Variants in ZNF141 observed in about 807,000 individuals in gnomAD.
ZNF141 encodes zinc finger protein 141 (clone pHZ-44).
ZNF141 carries 7 observed loss-of-function variants against 11.3 expected under a neutral mutation model. That is an observed-to-expected ratio of 0.62 (90% CI 0.35 to 1.16). The LOEUF (loss-of-function observed/expected upper bound fraction) is 1.16, where lower values mean the gene tolerates loss of function less well. ZNF141 is among the 50% of genes most tolerant of loss of function. ZNF141 has a pLI of 0.02. For missense variants in ZNF141, 535 were observed against 554.0 expected, an observed-to-expected ratio of 0.97 and a Z score of 0.34; for synonymous variants, 183 against 190.7, an observed-to-expected ratio of 0.96 and a Z score of 0.33.
At position 382,010 on chromosome 4, in the gene ZNF141, A is replaced by G. The variant is rs1712646721; in HGVS notation, c.*8148A>G. Among the ~76,000 whole-genome samples, 1 of 142,050 alleles carries G rather than the reference A, an allele frequency of 7.0e-6. No individual in the cohort carries two copies. Among genetic ancestry groups the G allele is most frequent in the Non-Finnish European group, 1.5e-5 (1 of 66,874 alleles). The allele number at this position is 142,050 out of a possible 152,430, so 93.2% of individuals were successfully genotyped here. ...GCCCAGGCTGGAGTGCAGTGGCTCGATCTCGGCTCACTGCAAGCTCCACCT... is the reference window on the plus strand; with the variant it reads ...GCCCAGGCTGGAGTGCAGTGGCTCGGTCTCGGCTCACTGCAAGCTCCACCT... On this transcript the variant is annotated 3_prime_UTR_variant, in exon 4 of 4. Transcript: ENST00000240499.
chr4:375,562 C>T lies in ZNF141; in HGVS notation c.*1700C>T, dbSNP rs1553854448. Reference sequence around the variant, plus strand: ...TAAGGAACTAACACTTTAGACACTGCAGTAAATCAGAGTATTAAGTATTAA... The same window carrying T: ...TAAGGAACTAACACTTTAGACACTGTAGTAAATCAGAGTATTAAGTATTAA... On this transcript the variant is annotated 3_prime_UTR_variant, in exon 4 of 4. Coordinates refer to ENST00000240499, the MANE Select transcript of ZNF141 (RefSeq NM_003441.4). Among the ~76,000 whole-genome samples, 2 of 151,804 alleles carry T rather than the reference C, an allele frequency of 1.3e-5. No homozygotes were observed. The highest frequency in any genetic ancestry group is 3.8e-4 in the East Asian group (2 of 5,202).
chr4:373,941 C>A lies in ZNF141; in HGVS notation c.*79C>A. On this transcript the variant is annotated 3_prime_UTR_variant, in exon 4 of 4. Coordinates refer to ENST00000240499, the MANE Select transcript of ZNF141 (RefSeq NM_003441.4). ...CTTAATGAACATGAGAAAATTTATA[C>A]TGTAGAGAAACCCTGGAAATGTGAA... The A allele has an allele frequency of 7.8e-7, 1 of 1,274,444 alleles. No individual in the cohort carries two copies. Among genetic ancestry groups the A allele is most frequent in the Non-Finnish European group, 1.1e-6 (1 of 910,966 alleles). The allele number at this position is 1,274,444 out of a possible 1,614,324, so 78.9% of individuals were successfully genotyped here. A position where few individuals can be genotyped will look rare whatever the true frequency, so the allele number is the denominator to read the frequency against.
chr4:355,541 A>G (rs1326576533), intron 3 of ZNF141, among the ~76,000 whole-genome samples: 1 of 152,144 alleles, frequency 6.6e-6, no homozygotes, highest in Admixed American at 6.6e-5. Flanking sequence ...ATTTAGTCTC[A>G]TATAAATATA....
intron 3 of ZNF141, among the ~76,000 whole-genome samples, chr4:369,761 TA>T (rs1553853329): frequency 3.2e-4 from 17 of 53,602 alleles, no homozygotes; most frequent in Non-Finnish European, 5.5e-4. Context: ...TATATATATA[TA>T]TATTTTTTTT....
intron 3 of ZNF141, among the ~76,000 whole-genome samples, chr4:371,833 C>T (rs1490216392): frequency 6.6e-6 from 1 of 152,180 alleles, no homozygotes; most frequent in Admixed American, 6.5e-5. Context: ...AGCCACCATG[C>T]CCGTTCCCTT....
At chr4:339,684 T>C (rs558398055) in intron 1 of ZNF141, among the ~76,000 whole-genome samples, 1 of 152,364 alleles carries the variant, frequency 6.6e-6, no homozygotes, top group East Asian at 1.9e-4. Flanking sequence ...TATATATAAC[T>C]CATTTTAATC....
chr4:346,941 T>TGGA (rs1721355392), intron 3 of ZNF141, among the ~76,000 whole-genome samples: 1 of 145,902 alleles, frequency 6.9e-6, no homozygotes, highest in African/African-American at 2.7e-5. Context: ...ACAATAAACA[T>TGGA]GGAGGGGAAG....
rs782318826 is a variant in ZNF141, at chr4:384,589, G to T, written c.*10727G>T. ...GTTACTAACATGACATAAATATTTT[G>T]GTTTTAGCTTCACTCTTTCCACCTG... is the stretch of plus-strand genomic sequence containing the variant. On this transcript the variant is annotated 3_prime_UTR_variant, in exon 4 of 4. Coordinates refer to ENST00000240499, the MANE Select transcript of ZNF141 (RefSeq NM_003441.4). The T allele has an allele frequency of 6.6e-6, 1 of 152,132 alleles. No individual in the cohort carries two copies. The highest frequency in any genetic ancestry group is 1.5e-5 in the Non-Finnish European group (1 of 68,042). The allele number at this position is 152,132 out of a possible 1,614,324, so 9.4% of individuals were successfully genotyped here.
At position 379,437 on chromosome 4, in the gene ZNF141, C is replaced by G. The variant is rs1470446089; in HGVS notation, c.*5575C>G. On this transcript the variant is annotated 3_prime_UTR_variant, in exon 4 of 4. Transcript: ENST00000240499. ...GTCGCCAGGCTGGAGTACAGTGGTG[C>G]GATCTCAGCTCACTGCAACCTCCGC... Among the ~76,000 whole-genome samples the G allele has an allele frequency of 6.6e-6, 1 of 152,126 alleles. No homozygotes were observed. The highest frequency in any genetic ancestry group is 2.1e-4 in the South Asian group (1 of 4,832).
At chr4:345,595 G>T (rs1297773809) in intron 3 of ZNF141, among the ~76,000 whole-genome samples, 1 of 151,968 alleles carries the variant, frequency 6.6e-6, no homozygotes, top group Non-Finnish European at 1.5e-5. Context: ...GGGCGTGGTG[G>T]TGCATTCCTG....
At chr4:350,916 C>CTT (rs35754231) in intron 3 of ZNF141, among the ~76,000 whole-genome samples, 1 of 140,248 alleles carries the variant, frequency 7.1e-6, no homozygotes. Context: ...ATTTTTTGTA[C>CTT]TTTTTTTTTT....
At chr4:342,724 C>T in intron 1 of ZNF141, 1 of 1,155,564 alleles carries the variant, frequency 8.7e-7, no homozygotes, top group Non-Finnish European at 1.3e-6. Flanking sequence ...CAGATCCTGT[C>T]CATTGTTCTG....
intron 3 of ZNF141, among the ~76,000 whole-genome samples, chr4:370,024 C>G (rs1211690185): frequency 6.6e-6 from 1 of 151,612 alleles, no homozygotes; most frequent in Non-Finnish European, 1.5e-5. Context: ...CTCAGCCGCT[C>G]AAAGTGCTGG....
At chr4:367,680 C>T (rs1280824131) in intron 3 of ZNF141, among the ~76,000 whole-genome samples, 1 of 152,024 alleles carries the variant, frequency 6.6e-6, no homozygotes, top group Non-Finnish European at 1.5e-5. Context: ...CCATGCCCAA[C>T]TAATTTTTGT....
rs376285627 is a variant in ZNF141 at position 369,770 on chromosome 4, T to A, written c.227-2894T>A. Among the ~76,000 whole-genome samples, 473 of 53,942 alleles carry A rather than the reference T, an allele frequency of 8.8e-3. 1 individual carries two copies. The highest frequency in any genetic ancestry group is 0.02 in the East Asian group (35 of 1,778). The allele number at this position is 53,942 out of a possible 152,430, so 35.4% of individuals were successfully genotyped here. A position where few individuals can be genotyped will look rare whatever the true frequency, so the allele number is the denominator to read the frequency against. On this transcript the variant is annotated intron_variant, in intron 3 of 3. Transcript: ENST00000240499. Reference sequence around the variant, plus strand: ...TATATATATATATATATATATTTTTTTTTTTTTTTTTTTTGAGAGGGAGTC... The same window carrying A: ...TATATATATATATATATATATTTTTATTTTTTTTTTTTTTGAGAGGGAGTC...
intron 3 of ZNF141, among the ~76,000 whole-genome samples, chr4:362,394 T>A (rs1711537865): frequency 6.6e-6 from 1 of 152,236 alleles, no homozygotes; most frequent in South Asian, 2.1e-4. Flanking sequence ...TAGATTCCAT[T>A]TGTCAATTTT....
At chr4:362,679 G>C (rs193078677) in intron 3 of ZNF141, among the ~76,000 whole-genome samples, 5 of 152,180 alleles carry the variant, frequency 3.3e-5, no homozygotes, top group African/African-American at 1.2e-4. Flanking sequence ...TCAAAGATCA[G>C]ATGGTTGTAG....
Position 358,488 on chromosome 4 carries a change from CCTT to C in ZNF141, c.226+14062_226+14064del, listed in dbSNP as rs571853262. On this transcript the variant is annotated intron_variant, in intron 3 of 3. Coordinates refer to ENST00000240499, the MANE Select transcript of ZNF141 (RefSeq NM_003441.4). Reference sequence around the variant, plus strand: ...GGTGTGAGCCATTGTGCCCAGCTCTCCTTCTTTTTTATAACTCATTTTGTTCAT... The same window carrying C: ...GGTGTGAGCCATTGTGCCCAGCTCTCCTTTTTTATAACTCATTTTGTTCAT... 1.7e-4 allele frequency: 29 copies of C among 172,708 alleles called. 1 individual carries two copies. Among genetic ancestry groups the C allele is most frequent in the South Asian group, 1.6e-3 (15 of 9,278 alleles). 10.7% of individuals were successfully genotyped at this position (172,708 alleles called of 1,614,324 possible). A position where few individuals can be genotyped will look rare whatever the true frequency, so the allele number is the denominator to read the frequency against.
At position 344,263 on chromosome 4, in the gene ZNF141, G is replaced by A. The variant is rs753485617; in HGVS notation, c.131-72G>A. On this transcript the variant is annotated intron_variant, in intron 2 of 3. Transcript: ENST00000240499. ...TTCCATAATATCTCTATTCTGCTTAGCGTAGTACTAGGTTGGTAATTGGAG... is the reference window on the plus strand; with the variant it reads ...TTCCATAATATCTCTATTCTGCTTAACGTAGTACTAGGTTGGTAATTGGAG... 403 of 1,292,024 alleles carry A rather than the reference G, an allele frequency of 3.1e-4. 1 individual carries two copies. Among genetic ancestry groups the A allele is most frequent in the African/African-American group, 1.0e-3 (67 of 67,208 alleles). 80.0% of individuals were successfully genotyped at this position (1,292,024 alleles called of 1,614,324 possible). A position where few individuals can be genotyped will look rare whatever the true frequency, so the allele number is the denominator to read the frequency against.
Sources: gnomAD v4.1 joint callset for allele counts (sites outside exome capture counted in the v4.1 genomes callset) on GRCh38, gnomAD v4.1.1 for gene constraint, MANE v1.5 for transcripts, NCBI Gene and HGNC (gene_info 2026-07-23, HGNC 2026-07-21) for gene names.